RASGRP3: variants seen among roughly 807,000 people sequenced by gnomAD.
The protein encoded by RASGRP3 is RAS guanyl releasing protein 3.
In RASGRP3, 54 loss-of-function variants were observed where a neutral mutation model predicts 82.7. The observed-to-expected ratio is 0.65, with a 90% CI of 0.52 to 0.82. RASGRP3 has a LOEUF of 0.82. RASGRP3 is among the 40% of genes least tolerant of loss of function. The pLI is 0.00. For synonymous variants in RASGRP3, 309 were observed against 300.5 expected (o/e 1.03, Z -0.29); for missense variants, 861 against 828.9 (o/e 1.04, Z -0.48).
chr2:33,545,521 C>T (rs1347439262), intron 13 of RASGRP3, among the ~76,000 whole-genome samples: 1 of 152,162 alleles, frequency 6.6e-6, no homozygotes, highest in African/African-American at 2.4e-5. Flanking sequence ...TGCACTGTTA[C>T]ACAAATTTAT....
chr2:33,498,806 C>A (rs951922184), intron 1 of RASGRP3, among the ~76,000 whole-genome samples: 1 of 152,102 alleles, frequency 6.6e-6, no homozygotes, highest in Admixed American at 6.5e-5. Context: ...CTGATCATAA[C>A]TTCTGTCCAT....
At chr2:33,484,652 T>A (rs1668214425) in intron 1 of RASGRP3, among the ~76,000 whole-genome samples, 1 of 152,230 alleles carries the variant, frequency 6.6e-6, no homozygotes, top group African/African-American at 2.4e-5. Context: ...CATCTCTTTC[T>A]ACTTTCCTTC....
chr2:33,527,317 A>G lies in RASGRP3; in HGVS notation c.988A>G (p.Met330Val). The change falls in exon 10 of 18, where the codon ATG (methionine) becomes GTG (valine). Residue 330 changes from methionine (M) to valine (V), a missense_variant. Coordinates refer to ENST00000403687, the MANE Select transcript of RASGRP3 (RefSeq NM_001139488.2). The part of the protein sequence containing the change: ...TEENKVNIVK[M>V]HQLSVTLSEL... ...GGAGAACAAAGTGAACATTGTGAAAATGCACCAGCTCTCCGTTACCCTGAG... is the reference window on the plus strand; with the variant it reads ...GGAGAACAAAGTGAACATTGTGAAAGTGCACCAGCTCTCCGTTACCCTGAG... 6.2e-7 allele frequency: 1 copy of G among 1,613,892 alleles called. No homozygotes were observed. Among genetic ancestry groups the G allele is most frequent in the Non-Finnish European group, 8.5e-7 (1 of 1,179,802 alleles).
chr2:33,489,197 T>C (rs1484606969), intron 1 of RASGRP3, among the ~76,000 whole-genome samples: 2 of 152,170 alleles, frequency 1.3e-5, no homozygotes, highest in Admixed American at 1.3e-4. Flanking sequence ...CAACCAAATA[T>C]GTCAATAGTA....
chr2:33,503,763 C>T (rs1232565185), intron 1 of RASGRP3, among the ~76,000 whole-genome samples: 1 of 152,088 alleles, frequency 6.6e-6, no homozygotes, highest in Non-Finnish European at 1.5e-5. Flanking sequence ...TAGATGATAA[C>T]ATAGTACAGT....
chr2:33,522,522 A>G (rs186349157), intron 7 of RASGRP3, among the ~76,000 whole-genome samples: 2 of 152,344 alleles, frequency 1.3e-5, no homozygotes, highest in East Asian at 3.9e-4. Context: ...GGAATTGTAG[A>G]CTTTAAGGAG....
intron 1 of RASGRP3, among the ~76,000 whole-genome samples, chr2:33,477,819 T>A (rs1005637492): frequency 5.3e-5 from 8 of 152,154 alleles, no homozygotes; most frequent in African/African-American, 1.9e-4. Flanking sequence ...CCAAACAGGT[T>A]CCTGTTTCTG....
chr2:33,561,111 G>A (rs1434411264), intron 17 of RASGRP3, among the ~76,000 whole-genome samples: 1 of 151,408 alleles, frequency 6.6e-6, no homozygotes, highest in East Asian at 1.9e-4. Context: ...CTGTCACCCA[G>A]GGTGGAGTGC....
chr2:33,498,245 C>T (rs1195696981), intron 1 of RASGRP3, among the ~76,000 whole-genome samples: 1 of 152,180 alleles, frequency 6.6e-6, no homozygotes, highest in Non-Finnish European at 1.5e-5. Context: ...TTACTTAGTT[C>T]TCATAACAAC....
chr2:33,489,739 G>A (rs919371124), intron 1 of RASGRP3, among the ~76,000 whole-genome samples: 6 of 152,118 alleles, frequency 3.9e-5, no homozygotes, highest in Non-Finnish European at 8.8e-5. Flanking sequence ...GTTTCACCAT[G>A]TTGGCCAGAC....
chr2:33,480,180 C>T (rs1016663379), intron 1 of RASGRP3, among the ~76,000 whole-genome samples: 9 of 151,478 alleles, frequency 5.9e-5, no homozygotes, highest in African/African-American at 1.9e-4. Context: ...GTAGCTGGGA[C>T]TACAGGCGCC....
At chr2:33,441,366 T>C (rs2445239) in intron 1 of RASGRP3, among the ~76,000 whole-genome samples, 4,193 of 152,244 alleles carry the variant, frequency 0.028, 203 homozygotes, top group African/African-American at 0.096. Flanking sequence ...TAGAAAAAGG[T>C]TATGCTGAAG....
intron 14 of RASGRP3, 28 bp downstream of exon 14, chr2:33,549,779 T>C (rs2151093499): frequency 6.2e-7 from 1 of 1,606,192 alleles, no homozygotes; most frequent in Non-Finnish European, 8.5e-7. Context: ...TGTTTTCTTA[T>C]GTGTGTAGTT....
chr2:33,539,411 T>G (rs1674005238), intron 12 of RASGRP3: 1 of 497,222 alleles, frequency 2.0e-6, no homozygotes, highest in Non-Finnish European at 3.6e-6. Context: ...CTTTGTTGTC[T>G]CTCTTGCCCA....
chr2:33,540,563 TGTGTGTGTG>T (rs1558506488), intron 12 of RASGRP3, among the ~76,000 whole-genome samples: 301 of 27,386 alleles, frequency 0.011, 19 homozygotes, highest in African/African-American at 0.026. Context: ...GTTTTGTGTG[TGTGTGTGTG>T]TGTGTGTGTG....
upstream of RASGRP3, among the ~76,000 whole-genome samples, chr2:33,472,795 A>G (rs558494774): frequency 1.3e-5 from 2 of 150,972 alleles, no homozygotes; most frequent in East Asian, 2.0e-4. Context: ...TCTCTACTAA[A>G]AACATGAAAA....
At chr2:33,467,730 A>C (rs1449996798) in intron 2 of RASGRP3, among the ~76,000 whole-genome samples, 2 of 152,186 alleles carry the variant, frequency 1.3e-5, no homozygotes, top group Non-Finnish European at 2.9e-5. Context: ...AAGTTGTACT[A>C]TCTGACAGTG....
intron 13 of RASGRP3, among the ~76,000 whole-genome samples, chr2:33,548,356 G>A (rs1373998008): frequency 6.7e-5 from 3 of 44,646 alleles, no homozygotes; most frequent in Non-Finnish European, 1.3e-4. Flanking sequence ...GCGGGACTCC[G>A]TCTCAAAAAA....
At chr2:33,502,364 G>A (rs908384843) in intron 1 of RASGRP3, among the ~76,000 whole-genome samples, 3 of 151,962 alleles carry the variant, frequency 2.0e-5, no homozygotes, top group African/African-American at 4.8e-5. Flanking sequence ...AGTTCACTCT[G>A]GGCTTCCCTT....
Sources: allele counts gnomAD v4.1 joint callset (sites outside exome capture counted in the v4.1 genomes callset), GRCh38; gene constraint gnomAD v4.1.1; transcripts MANE v1.5; gene names NCBI Gene and HGNC (gene_info 2026-07-23, HGNC 2026-07-21).